Variants in SDK2 observed in about 807,000 individuals in gnomAD.
The protein encoded by SDK2 is sidekick cell adhesion molecule 2.
Under a neutral mutation model 253.9 loss-of-function variants are expected in SDK2, and 105 were observed. The ratio of observed to expected loss-of-function variants is 0.41; its 90% confidence interval spans 0.35 to 0.49. The LOEUF (loss-of-function observed/expected upper bound fraction) is 0.49, where lower values mean the gene tolerates loss of function less well. Among genes scored for constraint, SDK2 ranks in the 20% least tolerant of loss-of-function variants. The pLI is 0.06. For missense variants in SDK2, 2,608 were observed against 3,003.0 expected (o/e 0.87, Z 3.07); for synonymous variants, 1,249 against 1,234.9 (o/e 1.01, Z -0.24).
intron 2 of SDK2, among the ~76,000 whole-genome samples, chr17:73,505,472 GTTA>G (rs889572553): frequency 6.9e-5 from 10 of 144,436 alleles, no homozygotes; most frequent in African/African-American, 2.2e-4. Flanking sequence ...TATCATCATT[GTTA>G]TTGTCATCAT....
intron 2 of SDK2, among the ~76,000 whole-genome samples, chr17:73,482,212 T>C (rs560684228): frequency 6.6e-6 from 1 of 151,942 alleles, no homozygotes; most frequent in African/African-American, 2.4e-5. Context: ...GAGTTGGAGG[T>C]TGCAGTGAGC....
intron 15 of SDK2, among the ~76,000 whole-genome samples, chr17:73,419,924 G>A (rs1368446064): frequency 6.6e-6 from 1 of 151,962 alleles, no homozygotes; most frequent in Non-Finnish European, 1.5e-5. Flanking sequence ...GTGCCGTTGA[G>A]GGATGTAAGT....
chr17:73,502,889 A>T (rs2063901199), intron 2 of SDK2, among the ~76,000 whole-genome samples: 2 of 152,232 alleles, frequency 1.3e-5, no homozygotes, highest in African/African-American at 4.8e-5. Context: ...AATCTGGTGG[A>T]TATCACCTTG....
At chr17:73,595,204 G>A (rs1599710878) in intron 1 of SDK2, among the ~76,000 whole-genome samples, 1 of 90,716 alleles carries the variant, frequency 1.1e-5, no homozygotes, top group Admixed American at 1.0e-4. Context: ...GTGAAGGTGA[G>A]GAGGAGGAGG....
intron 41 of SDK2, among the ~76,000 whole-genome samples, chr17:73,351,501 G>A (rs2062538236): frequency 1.3e-5 from 2 of 152,094 alleles, no homozygotes; most frequent in South Asian, 2.1e-4. Flanking sequence ...TGGCCTGCAG[G>A]AGGATGAGAG....
At chr17:73,457,222 T>TCTTCCTTC (rs150011955) in intron 3 of SDK2, among the ~76,000 whole-genome samples, 21 of 41,336 alleles carry the variant, frequency 5.1e-4, no homozygotes, top group South Asian at 1.3e-3. Flanking sequence ...TTTTCTTTTC[T>TCTTCCTTC]CTTCCTTCCT....
intron 1 of SDK2, among the ~76,000 whole-genome samples, chr17:73,608,376 T>C (rs1188474971): frequency 6.6e-6 from 1 of 152,136 alleles, no homozygotes; most frequent in African/African-American, 2.4e-5. Context: ...TCGCTGACTA[T>C]GTTAACCTTG....
At chr17:73,461,387 C>T (rs1253750321) in intron 3 of SDK2, among the ~76,000 whole-genome samples, 1 of 152,208 alleles carries the variant, frequency 6.6e-6, no homozygotes. Context: ...TTGGTGATGT[C>T]TATGACAACT....
In SDK2 at chr17:73,390,359, G is replaced by A. The variant is rs763920594; in HGVS notation, c.4120C>T (p.Arg1374Cys). ...GLKPESVYLF[R>C]ITAQTRKGWG... is the part of the protein sequence containing the mutation. ...CCCTTGCGGGTCTGGGCCGTGATGC[G>A]GAACAGGTAGACAGACTCTGGCTTG... is the stretch of plus-strand genomic sequence containing the variant. The change falls in exon 29 of 45, where the codon CGC becomes TGC. Residue 1374 changes from arginine (R) to cysteine (C), a missense_variant. Coordinates refer to ENST00000392650, the MANE Select transcript of SDK2 (RefSeq NM_001144952.2). 9.3e-6 allele frequency: 15 copies of A among 1,611,790 alleles called. No homozygotes were observed. Among genetic ancestry groups the A allele is most frequent in the Non-Finnish European group, 1.2e-5 (14 of 1,179,702 alleles).
intron 2 of SDK2, among the ~76,000 whole-genome samples, chr17:73,483,639 A>G (rs572011885): frequency 0.055 from 2,636 of 48,038 alleles, 88 homozygotes; most frequent in African/African-American, 0.1. Context: ...ATGTATATAT[A>G]TATGTGTGTG....
At chr17:73,537,362 C>A (rs931842525) in intron 1 of SDK2, among the ~76,000 whole-genome samples, 1 of 152,152 alleles carries the variant, frequency 6.6e-6, no homozygotes, top group Admixed American at 6.5e-5. Flanking sequence ...GCCTTCAGAA[C>A]TCGGTGGCTC....
chr17:73,527,622 G>A (rs1279238664), intron 1 of SDK2, among the ~76,000 whole-genome samples: 2 of 152,202 alleles, frequency 1.3e-5, no homozygotes, highest in East Asian at 3.9e-4. Flanking sequence ...TCCTAATGCC[G>A]ATAAGAAGGC....
chr17:73,479,157 T>TG (rs2063706025), intron 2 of SDK2, among the ~76,000 whole-genome samples: 1 of 152,332 alleles, frequency 6.6e-6, no homozygotes, highest in Non-Finnish European at 1.5e-5. Flanking sequence ...TCATGTCCAC[T>TG]GGGGGGTCAG....
intron 1 of SDK2, among the ~76,000 whole-genome samples, chr17:73,550,292 G>T (rs1330608177): frequency 2.6e-5 from 4 of 152,148 alleles, no homozygotes; most frequent in Non-Finnish European, 5.9e-5. Context: ...CTGCTCTAGG[G>T]TTAACGGTTC....
At chr17:73,373,427 G>A (rs956149241) in intron 36 of SDK2, among the ~76,000 whole-genome samples, 2 of 152,082 alleles carry the variant, frequency 1.3e-5, no homozygotes, top group African/African-American at 2.4e-5. Flanking sequence ...AATTTTCTGC[G>A]GAACTTCCAT....
At position 73,393,499 on chromosome 17, in the gene SDK2, T is replaced by C. The variant is rs2062945343; in HGVS notation, c.3898+61A>G. On this transcript the variant is annotated intron_variant, in intron 27 of 44. Coordinates refer to ENST00000392650, the MANE Select transcript of SDK2 (RefSeq NM_001144952.2). Reference sequence around the variant, plus strand: ...CTGACCCCAGAAGGGCAAGGCCAGATGGGCAGGAGGAAGGGCGGCTCCTCC... The same window carrying C: ...CTGACCCCAGAAGGGCAAGGCCAGACGGGCAGGAGGAAGGGCGGCTCCTCC... 4 of 1,442,382 alleles carry C rather than the reference T, an allele frequency of 2.8e-6. No individual in the cohort carries two copies. In the Admixed American group the frequency reaches 6.5e-5, roughly 24 times the overall value. The allele number at this position is 1,442,382 out of a possible 1,614,324, so 89.3% of individuals were successfully genotyped here. A position where few individuals can be genotyped will look rare whatever the true frequency, so the allele number is the denominator to read the frequency against.
chr17:73,597,590 T>C (rs2045777575), intron 1 of SDK2, among the ~76,000 whole-genome samples: 1 of 152,090 alleles, frequency 6.6e-6, no homozygotes, highest in East Asian at 1.9e-4. Context: ...CCCACCGCTA[T>C]CCTTATAAAT....
At chr17:73,500,506 C>T (rs977234373) in intron 2 of SDK2, among the ~76,000 whole-genome samples, 1 of 149,588 alleles carries the variant, frequency 6.7e-6, no homozygotes, top group East Asian at 2.0e-4. Context: ...TGTCCATCTT[C>T]CTTCTGTTCT....
At chr17:73,556,952 AT>A (rs1451882540) in intron 1 of SDK2, among the ~76,000 whole-genome samples, 1 of 152,262 alleles carries the variant, frequency 6.6e-6, no homozygotes, top group Non-Finnish European at 1.5e-5. Context: ...GTATGGGGCT[AT>A]GATTACTGAG....
Sources: allele counts gnomAD v4.1 joint callset (sites outside exome capture counted in the v4.1 genomes callset), GRCh38; gene constraint gnomAD v4.1.1; transcripts MANE v1.5; gene names NCBI Gene and HGNC (gene_info 2026-07-23, HGNC 2026-07-21).